OSBPL10: variants seen among roughly 807,000 people sequenced by gnomAD.
OSBPL10 encodes the protein oxysterol binding protein like 10.
A neutral mutation model predicts 81.7 loss-of-function variants in OSBPL10; 49 were observed. The observed-to-expected ratio is 0.60, with a 90% confidence interval of 0.48 to 0.76. The LOEUF is 0.76. Among genes scored for constraint, OSBPL10 ranks in the 30% least tolerant of loss-of-function variants. The probability of loss-of-function intolerance (pLI) is 0.00; values close to 1 mark genes in which losing one functional copy is unlikely to be tolerated. For missense variants in OSBPL10, 923 were observed against 987.8 expected (o/e 0.93, Z 0.88); for synonymous variants, 419 against 383.6 (o/e 1.09, Z -1.08).
intron 10 of OSBPL10, among the ~76,000 whole-genome samples, chr3:31,665,668 C>T (rs1038328251): frequency 9.2e-5 from 14 of 152,206 alleles, no homozygotes; most frequent in East Asian, 3.9e-4. Flanking sequence ...CCACTGTACC[C>T]TCATAACTGA....
At chr3:31,737,112 A>C (rs1264789988) in intron 5 of OSBPL10, among the ~76,000 whole-genome samples, 1 of 152,136 alleles carries the variant, frequency 6.6e-6, no homozygotes, top group African/African-American at 2.4e-5. Flanking sequence ...AGGACAGGAC[A>C]AGGAAAGTTG....
chr3:31,879,531 C>G, intron 2 of OSBPL10, 124 bp downstream of exon 2: 4 of 996,418 alleles, frequency 4.0e-6, no homozygotes, highest in Non-Finnish European at 5.8e-6. Context: ...TGTGTCACCA[C>G]AGAGTCCTCC....
At chr3:31,693,075 C>T (rs910340270) in intron 7 of OSBPL10, among the ~76,000 whole-genome samples, 1 of 152,180 alleles carries the variant, frequency 6.6e-6, no homozygotes, top group Non-Finnish European at 1.5e-5. Flanking sequence ...AGATAACAGG[C>T]TTTGCTTGAC....
chr3:32,031,531 G>C (rs1399446109), intron 2 of OSBPL10, among the ~76,000 whole-genome samples: 2 of 151,512 alleles, frequency 1.3e-5, no homozygotes, highest in African/African-American at 2.4e-5. Context: ...GCGTGATCTT[G>C]GCTCACTGCA....
At chr3:31,888,128 C>A (rs1695790034) in intron 1 of OSBPL10, among the ~76,000 whole-genome samples, 2 of 152,194 alleles carry the variant, frequency 1.3e-5, no homozygotes, top group South Asian at 4.1e-4. Flanking sequence ...AAAAGAGACA[C>A]ATAAACCAAT....
At chr3:31,812,730 GAAAGAAAGAA>G (rs1699720601) in intron 4 of OSBPL10, among the ~76,000 whole-genome samples, 1 of 17,160 alleles carries the variant, frequency 5.8e-5, no homozygotes, top group African/African-American at 3.3e-4. Context: ...AAGAAAGAAA[GAAAGAAAGAA>G]AGAAAGAAAG....
At chr3:31,726,583 G>C (rs1215515010) in intron 6 of OSBPL10, among the ~76,000 whole-genome samples, 1 of 152,068 alleles carries the variant, frequency 6.6e-6, no homozygotes, top group Non-Finnish European at 1.5e-5. Flanking sequence ...CAAAGTGCTG[G>C]AATTACAGGC....
intron 1 of OSBPL10, among the ~76,000 whole-genome samples, chr3:31,964,885 G>C (rs1183912820): frequency 6.6e-6 from 1 of 152,036 alleles, no homozygotes; most frequent in Non-Finnish European, 1.5e-5. Context: ...CTTATGAGCA[G>C]AGGGTGTACT....
intron 4 of OSBPL10, among the ~76,000 whole-genome samples, chr3:31,758,065 C>T (rs1175702321): frequency 1.3e-5 from 2 of 152,172 alleles, no homozygotes; most frequent in Non-Finnish European, 2.9e-5. Context: ...ACTTAAAAAT[C>T]TGCATATCAA....
chr3:31,895,405 G>A (rs903293907), intron 1 of OSBPL10, among the ~76,000 whole-genome samples: 2 of 151,714 alleles, frequency 1.3e-5, no homozygotes, highest in Non-Finnish European at 2.9e-5. Context: ...CCAAAGTGCT[G>A]GGATTACAGA....
At chr3:31,810,236 G>A (rs953709057) in intron 4 of OSBPL10, among the ~76,000 whole-genome samples, 1 of 152,096 alleles carries the variant, frequency 6.6e-6, no homozygotes, top group Admixed American at 6.5e-5. Context: ...CATAATGATT[G>A]AAGTAGTCTA....
chr3:31,724,833 G>A (rs565452100), intron 6 of OSBPL10, among the ~76,000 whole-genome samples: 11 of 152,262 alleles, frequency 7.2e-5, no homozygotes, highest in Non-Finnish European at 1.0e-4. Context: ...AAGGAGGGCA[G>A]AAAGATGCTG....
chr3:31,676,519 ATAAACT>A (rs1345699947), intron 8 of OSBPL10, among the ~76,000 whole-genome samples: 10 of 152,234 alleles, frequency 6.6e-5, no homozygotes, highest in East Asian at 5.8e-4. Flanking sequence ...TTTCAAACTG[ATAAACT>A]TAAAATAATT....
chr3:31,961,770 T>C (rs1698171010), intron 1 of OSBPL10, among the ~76,000 whole-genome samples: 1 of 152,060 alleles, frequency 6.6e-6, no homozygotes, highest in Admixed American at 6.5e-5. Flanking sequence ...TAGTGTATAA[T>C]TATAATCTTT....
intron 1 of OSBPL10, among the ~76,000 whole-genome samples, chr3:32,067,990 C>T (rs1248559916): frequency 6.6e-6 from 1 of 152,196 alleles, no homozygotes; most frequent in Non-Finnish European, 1.5e-5. Context: ...TGTCCTCACC[C>T]TCACTCTGTG....
chr3:32,038,647 A>T (rs1259555657), intron 2 of OSBPL10, among the ~76,000 whole-genome samples: 2 of 152,184 alleles, frequency 1.3e-5, no homozygotes, highest in African/African-American at 4.8e-5. Flanking sequence ...ATAGATACCG[A>T]AATCAAACCA....
chr3:31,783,701 G>A (rs1381040484), intron 4 of OSBPL10, among the ~76,000 whole-genome samples: 1 of 144,660 alleles, frequency 6.9e-6, no homozygotes, highest in Non-Finnish European at 1.5e-5. Context: ...AGAGGGAGGA[G>A]AATCATTTGA....
At chr3:31,747,759 CAG>C in intron 5 of OSBPL10, 149 bp downstream of exon 5, 1 of 778,120 alleles carries the variant, frequency 1.3e-6, no homozygotes, top group East Asian at 2.5e-5. Context: ...ATATCCCAAA[CAG>C]TAGAGACGAA....
At chr3:31,958,098 AG>A (rs1209528721) in intron 1 of OSBPL10, among the ~76,000 whole-genome samples, 2 of 152,196 alleles carry the variant, frequency 1.3e-5, no homozygotes, top group Non-Finnish European at 2.9e-5. Context: ...ATTTGCAAGG[AG>A]GGGTGCAGTA....
Sources: gnomAD v4.1 joint callset for allele counts (sites outside exome capture counted in the v4.1 genomes callset) on GRCh38, gnomAD v4.1.1 for gene constraint, MANE v1.5 for transcripts, NCBI Gene and HGNC (gene_info 2026-07-23, HGNC 2026-07-21) for gene names.